Variants in WWOX observed in about 807,000 individuals in gnomAD.
WWOX encodes WW domain containing oxidoreductase.
A neutral mutation model predicts 46.2 loss-of-function variants in WWOX; 69 were observed. The ratio of observed to expected loss-of-function variants is 1.49; its 90% CI spans 1.23 to 1.82. WWOX has a LOEUF of 1.82. Ranked by LOEUF, WWOX falls within the 40% of genes most tolerant of loss-of-function variation. The pLI, the probability that WWOX is intolerant of heterozygous loss-of-function variation, is 0.00. For synonymous variants in WWOX, 359 were observed against 202.6 expected, an observed-to-expected ratio of 1.77 and a Z score of -6.56; for missense variants, 919 against 542.6, an observed-to-expected ratio of 1.69 and a Z score of -6.89.
intron 8 of WWOX, among the ~76,000 whole-genome samples, chr16:78,620,897 T>C (rs569368409): frequency 2.0e-5 from 3 of 152,324 alleles, no homozygotes; most frequent in Admixed American, 1.3e-4. Flanking sequence ...TATATTTGGT[T>C]GGAATTTTAT....
intron 8 of WWOX, among the ~76,000 whole-genome samples, chr16:78,538,630 G>T (rs1006626781): frequency 1.3e-5 from 2 of 152,138 alleles, no homozygotes; most frequent in African/African-American, 4.8e-5. Context: ...TGCCTCCAAA[G>T]ACTTTGTGTT....
intron 8 of WWOX, among the ~76,000 whole-genome samples, chr16:78,579,317 G>A (rs1005428721): frequency 6.6e-6 from 1 of 152,130 alleles, no homozygotes; most frequent in African/African-American, 2.4e-5. Context: ...CGGTGTGAGT[G>A]ATATGGAATA....
chr16:79,026,167 C>T (rs1226808607), intron 8 of WWOX, among the ~76,000 whole-genome samples: 1 of 151,648 alleles, frequency 6.6e-6, no homozygotes, highest in Admixed American at 6.6e-5. Flanking sequence ...TAAGTTTCCT[C>T]ACTCCTTTTA....
intron 8 of WWOX, among the ~76,000 whole-genome samples, chr16:78,465,477 G>A (rs1236543661): frequency 1.3e-5 from 2 of 152,174 alleles, no homozygotes; most frequent in African/African-American, 2.4e-5. Flanking sequence ...ACCACACCCA[G>A]CCTGGGGGAG....
chr16:78,990,193 A>AG (rs1321405191), intron 8 of WWOX, among the ~76,000 whole-genome samples: 1 of 151,160 alleles, frequency 6.6e-6, no homozygotes, highest in Non-Finnish European at 1.5e-5. Context: ...CACCAAAAAA[A>AG]AAAAAAAAAG....
chr16:78,595,329 C>G (rs1309615731), intron 8 of WWOX, among the ~76,000 whole-genome samples: 2 of 151,906 alleles, frequency 1.3e-5, no homozygotes, highest in South Asian at 2.1e-4. Flanking sequence ...GAACCAAAGC[C>G]TGTGTTTTTC....
chr16:78,209,514 C>G (rs1012957209), intron 5 of WWOX, among the ~76,000 whole-genome samples: 2 of 152,172 alleles, frequency 1.3e-5, no homozygotes, highest in African/African-American at 4.8e-5. Flanking sequence ...TCCTCCTTGA[C>G]TCATAGCAAG....
At chr16:78,784,922 A>G (rs1435756998) in intron 8 of WWOX, among the ~76,000 whole-genome samples, 1 of 152,168 alleles carries the variant, frequency 6.6e-6, no homozygotes, top group Non-Finnish European at 1.5e-5. Context: ...ACCTATGACC[A>G]CATACGAGGA....
At chr16:78,717,624 C>T (rs576827148) in intron 8 of WWOX, among the ~76,000 whole-genome samples, 52 of 151,958 alleles carry the variant, frequency 3.4e-4, no homozygotes, top group Non-Finnish European at 6.5e-4. Flanking sequence ...TAGGAGTTTC[C>T]CCAGACACAC....
chr16:79,098,148 C>G (rs1299718064), intron 8 of WWOX, among the ~76,000 whole-genome samples: 1 of 152,192 alleles, frequency 6.6e-6, no homozygotes, highest in Non-Finnish European at 1.5e-5. Context: ...GTCTGCTCAT[C>G]AGAATCACCT....
rs139103383 is a variant in WWOX at position 78,491,611 on chromosome 16, C to T, written c.1056+58859C>T. On this transcript the variant is annotated intron_variant, in intron 8 of 8. Coordinates refer to ENST00000566780, the MANE Select transcript of WWOX (RefSeq NM_016373.4). ...CTGAGTAGCTGGGACTACAGTTGTG[C>T]GCTACCACACCTGGCTACCGTGTCT... Among the ~76,000 whole-genome samples the T allele has an allele frequency of 1.2e-3, 175 of 152,138 alleles. No individual in the cohort carries two copies. The Middle Eastern group carries it at 0.014, about 12-fold the overall frequency.
At chr16:78,608,638 C>T (rs1010265005) in intron 8 of WWOX, among the ~76,000 whole-genome samples, 9 of 152,160 alleles carry the variant, frequency 5.9e-5, no homozygotes, top group Admixed American at 5.9e-4. Context: ...GTCACCAACC[C>T]GTTCCATCTT....
intron 8 of WWOX, among the ~76,000 whole-genome samples, chr16:78,465,114 G>C (rs1043036824): frequency 6.6e-6 from 1 of 152,180 alleles, no homozygotes; most frequent in Non-Finnish European, 1.5e-5. Flanking sequence ...CCATGGCTTT[G>C]ACTCAGTTAC....
intron 1 of WWOX, among the ~76,000 whole-genome samples, chr16:78,106,659 G>A (rs57206085): frequency 0.082 from 12,444 of 152,068 alleles, 1,079 homozygotes; most frequent in African/African-American, 0.22. Context: ...CAGGTAATCC[G>A]CCTGCCTTGC....
At chr16:78,545,106 C>G (rs1028958636) in intron 8 of WWOX, among the ~76,000 whole-genome samples, 3 of 152,208 alleles carry the variant, frequency 2.0e-5, no homozygotes, top group Admixed American at 6.5e-5. Context: ...TAGTGATTCT[C>G]TAAGTACATA....
chr16:79,178,595 T>C (rs1171794153), intron 8 of WWOX, among the ~76,000 whole-genome samples: 1 of 152,144 alleles, frequency 6.6e-6, no homozygotes, highest in Admixed American at 6.5e-5. Flanking sequence ...AGAATTACAG[T>C]TGAGAGCCAC....
intron 8 of WWOX, among the ~76,000 whole-genome samples, chr16:78,702,023 AT>A (rs2048229675): frequency 1.7e-5 from 2 of 121,144 alleles, no homozygotes; most frequent in African/African-American, 8.4e-5. Flanking sequence ...ATATATATAT[AT>A]ATATATATAT....
chr16:79,125,390 T>C (rs368305857), intron 8 of WWOX, among the ~76,000 whole-genome samples: 2 of 152,210 alleles, frequency 1.3e-5, no homozygotes, highest in Admixed American at 1.3e-4. Context: ...GAGGAGAATT[T>C]GGGATGTGCA....
intron 5 of WWOX, among the ~76,000 whole-genome samples, chr16:78,201,674 ATTAT>A (rs149809338): frequency 0.2 from 29,842 of 146,266 alleles, 3,223 homozygotes; most frequent in Middle Eastern, 0.26. Context: ...CATTCCTTGG[ATTAT>A]TTATTTATTT....
Sources: allele counts gnomAD v4.1 joint callset (sites outside exome capture counted in the v4.1 genomes callset), GRCh38; gene constraint gnomAD v4.1.1; transcripts MANE v1.5; gene names NCBI Gene and HGNC (gene_info 2026-07-23, HGNC 2026-07-21).